The following CACNB2 variants were observed in gnomAD, a reference collection of about 807,000 sequenced individuals.
The protein encoded by CACNB2 is voltage-dependent L-type calcium channel subunit beta-2.
CACNB2 carries 42 observed loss-of-function variants against 73.3 expected under a neutral mutation model. The ratio of observed to expected loss-of-function variants is 0.57; its 90% CI spans 0.45 to 0.74. The LOEUF (loss-of-function observed/expected upper bound fraction) is 0.74. Among genes scored for constraint, CACNB2 ranks in the 30% least tolerant of loss-of-function variants. The pLI, the probability that CACNB2 is intolerant of heterozygous loss-of-function variation, is 0.00. For missense variants in CACNB2, 940 were observed against 853.0 expected, an observed-to-expected ratio of 1.10 and a Z score of -1.27; for synonymous variants, 348 against 310.3, an observed-to-expected ratio of 1.12 and a Z score of -1.28.
chr10:18,315,525 A>AC (rs1457029001), intron 2 of CACNB2, among the ~76,000 whole-genome samples: 8 of 133,454 alleles, frequency 6.0e-5, no homozygotes, highest in African/African-American at 1.7e-4. Flanking sequence ...AAAAAAAAAA[A>AC]AAACTTTTTT....
intron 3 of CACNB2, among the ~76,000 whole-genome samples, chr10:18,408,430 A>G (rs11014102): frequency 0.29 from 43,946 of 151,078 alleles, 7,016 homozygotes; most frequent in East Asian, 0.62. Context: ...ATAGAGACAG[A>G]GTTTCACCAT....
In CACNB2 at chr10:18,483,149, C is replaced by A. The variant is rs1310994964; in HGVS notation, c.334-15206C>A. On this transcript the variant is annotated intron_variant, in intron 3 of 13. Coordinates refer to ENST00000324631, the MANE Select transcript of CACNB2 (RefSeq NM_201596.3). ...GGTTTCATGTTCAGAACTCACCACC[C>A]ACAACTCTCTGCACTAATCTAATCC... 3.3e-5 allele frequency among the ~76,000 whole-genome samples: 5 copies of A among 152,120 alleles called. No individual in the cohort carries two copies. In the East Asian group the frequency reaches 9.7e-4, roughly 29 times the overall value.
At chr10:18,175,083 C>CCT (rs1470066583) in intron 2 of CACNB2, among the ~76,000 whole-genome samples, 5 of 152,250 alleles carry the variant, frequency 3.3e-5, no homozygotes, top group Non-Finnish European at 5.9e-5. Context: ...CGAGAATTGA[C>CCT]CTCTCTATGG....
intron 2 of CACNB2, among the ~76,000 whole-genome samples, chr10:18,371,788 A>T (rs551149635): frequency 6.6e-6 from 1 of 152,228 alleles, no homozygotes; most frequent in South Asian, 2.1e-4. Flanking sequence ...GCTGACTTCC[A>T]TAATGGTTGA....
chr10:18,385,528 G>T (rs1179987662), intron 2 of CACNB2, among the ~76,000 whole-genome samples: 1 of 151,396 alleles, frequency 6.6e-6, no homozygotes, highest in Non-Finnish European at 1.5e-5. Context: ...TAGGGAGGCT[G>T]AGGCAGGAGA....
intron 2 of CACNB2, among the ~76,000 whole-genome samples, chr10:18,208,449 CA>C (rs1434813029): frequency 2.0e-5 from 3 of 151,858 alleles, no homozygotes; most frequent in African/African-American, 7.3e-5. Context: ...CCCATCTATA[CA>C]AAAACTAAAA....
At chr10:18,519,857 A>G in intron 9 of CACNB2, 3 of 404,814 alleles carry the variant, frequency 7.4e-6, no homozygotes, top group Non-Finnish European at 9.7e-6. Context: ...AAATCCAGGG[A>G]TAAATTTTCA....
intron 2 of CACNB2, among the ~76,000 whole-genome samples, chr10:18,285,333 G>C (rs1237064660): frequency 6.6e-6 from 1 of 152,138 alleles, no homozygotes; most frequent in East Asian, 1.9e-4. Flanking sequence ...CTTGTTCTTG[G>C]GATGCTGTCT....
At chr10:18,307,945 A>C (rs922111110) in intron 2 of CACNB2, among the ~76,000 whole-genome samples, 1 of 150,082 alleles carries the variant, frequency 6.7e-6, no homozygotes. Flanking sequence ...GAGAAATTAA[A>C]AGGTAGGATA....
At chr10:18,410,987 TAAAA>T (rs1158111103) in intron 3 of CACNB2, among the ~76,000 whole-genome samples, 1 of 151,694 alleles carries the variant, frequency 6.6e-6, no homozygotes, top group African/African-American at 2.4e-5. Flanking sequence ...TTAAAAAAAA[TAAAA>T]AAGAAAGATA....
chr10:18,267,921 T>C (rs1010241069), intron 2 of CACNB2, among the ~76,000 whole-genome samples: 2 of 152,264 alleles, frequency 1.3e-5, no homozygotes, highest in African/African-American at 4.8e-5. Flanking sequence ...CATCACTCTG[T>C]GCCTCAACTT....
At chr10:18,488,418 T>A (rs1262051712) in intron 3 of CACNB2, among the ~76,000 whole-genome samples, 2 of 127,616 alleles carry the variant, frequency 1.6e-5, no homozygotes, top group African/African-American at 6.1e-5. Context: ...GAGCTTGCAG[T>A]GAGCCAAAAT....
intron 4 of CACNB2, among the ~76,000 whole-genome samples, chr10:18,499,490 C>G (rs930062627): frequency 6.6e-6 from 1 of 151,900 alleles, no homozygotes; most frequent in Non-Finnish European, 1.5e-5. Context: ...TGGCACATGC[C>G]TGTAATCTCA....
chr10:18,459,278 T>C (rs912126757), intron 3 of CACNB2, among the ~76,000 whole-genome samples: 1 of 152,232 alleles, frequency 6.6e-6, no homozygotes, highest in African/African-American at 2.4e-5. Context: ...CAATTGTCAT[T>C]TGCCCCTCCC....
Position 18,289,284 on chromosome 10 carries a change from G to GTTTTTTTTTTTTTTTTTTTTTTT in CACNB2, c.214-112633_214-112632insTTTTTTTTTTTTTTTTTTTTTTT, listed in dbSNP as rs1489491866. On this transcript the variant is annotated intron_variant, in intron 2 of 13. Coordinates refer to ENST00000324631, the MANE Select transcript of CACNB2 (RefSeq NM_201596.3). ...GAAGTTGTCTTCATTTTTTTTTCTT[G>GTTTTTTTTTTTTTTTTTTTTTTT]TTTTTTTGTTTTGTTTTTTTTTTTT... 1.1e-4 allele frequency among the ~76,000 whole-genome samples: 9 copies of GTTTTTTTTTTTTTTTTTTTTTTT among 85,568 alleles called. 4 individuals are homozygous for GTTTTTTTTTTTTTTTTTTTTTTT. The highest frequency in any genetic ancestry group is 2.8e-4 in the Admixed American group (2 of 7,206). 56.1% of individuals were successfully genotyped at this position (85,568 alleles called of 152,430 possible). A position where few individuals can be genotyped will look rare whatever the true frequency, so the allele number is the denominator to read the frequency against.
chr10:18,176,145 A>G (rs1222706316), intron 2 of CACNB2, among the ~76,000 whole-genome samples: 1 of 152,206 alleles, frequency 6.6e-6, no homozygotes, highest in African/African-American at 2.4e-5. Flanking sequence ...TCATGACCAC[A>G]TAGTGCTCAC....
chr10:18,477,516 G>A (rs528872743), intron 3 of CACNB2, among the ~76,000 whole-genome samples: 16 of 152,284 alleles, frequency 1.1e-4, no homozygotes, highest in Admixed American at 8.5e-4. Context: ...AAATCCAGAA[G>A]TCTCTGTGAC....
chr10:18,519,940 T>C (rs551259366), intron 9 of CACNB2: 3 of 337,648 alleles, frequency 8.9e-6, no homozygotes, highest in South Asian at 7.0e-5. Flanking sequence ...ATACTTTGCT[T>C]GGTTTCTGGA....
intron 3 of CACNB2, among the ~76,000 whole-genome samples, chr10:18,402,808 A>G (rs1298795577): frequency 6.6e-6 from 1 of 152,212 alleles, no homozygotes; most frequent in African/African-American, 2.4e-5. Flanking sequence ...TCACTTCTCA[A>G]TGAACCTATT....
Sources: allele counts gnomAD v4.1 joint callset (sites outside exome capture counted in the v4.1 genomes callset), GRCh38; gene constraint gnomAD v4.1.1; transcripts MANE v1.5; gene names NCBI Gene and HGNC (gene_info 2026-07-23, HGNC 2026-07-21).